The following RGS7 variants were observed in gnomAD, a reference collection of about 807,000 sequenced individuals.
RGS7 encodes the protein regulator of G protein signaling 7, also known as regulator of G-protein signaling 7.
A neutral mutation model predicts 81.1 loss-of-function variants in RGS7; 27 were observed. The ratio of observed to expected loss-of-function variants is 0.33; its 90% CI spans 0.25 to 0.46. RGS7 has a LOEUF of 0.46. RGS7 is among the 20% of genes least tolerant of loss of function. The pLI, the probability that RGS7 is intolerant of heterozygous loss-of-function variation, is 1.00. For synonymous variants in RGS7, 208 were observed against 207.7 expected, an observed-to-expected ratio of 1.00 and a Z score of -0.01; for missense variants, 396 against 607.4, an observed-to-expected ratio of 0.65 and a Z score of 3.66.
intron 9 of RGS7, among the ~76,000 whole-genome samples, chr1:240,830,902 A>C (rs1350682571): frequency 1.3e-5 from 2 of 152,230 alleles, no homozygotes; most frequent in African/African-American, 4.8e-5. Flanking sequence ...GAAGGAAATT[A>C]GAAGTTTCAT....
chr1:241,136,605 G>A (rs76913473), intron 2 of RGS7, among the ~76,000 whole-genome samples: 1 of 152,154 alleles, frequency 6.6e-6, no homozygotes, highest in African/African-American at 2.4e-5. Flanking sequence ...ACGAAAGGCC[G>A]GGTGATGGCA....
At chr1:240,974,144 T>C (rs1272150708) in intron 4 of RGS7, among the ~76,000 whole-genome samples, 1 of 152,228 alleles carries the variant, frequency 6.6e-6, no homozygotes, top group African/African-American at 2.4e-5. Context: ...AGTTGTTTGA[T>C]GGTGTGTAAG....
intron 18 of RGS7, among the ~76,000 whole-genome samples, chr1:240,797,122 C>A (rs1168966862): frequency 6.6e-6 from 1 of 152,146 alleles, no homozygotes; most frequent in Non-Finnish European, 1.5e-5. Flanking sequence ...ACCTCCACAA[C>A]CAATTAGTCT....
intron 3 of RGS7, among the ~76,000 whole-genome samples, chr1:241,006,701 A>T (rs952210052): frequency 6.6e-6 from 1 of 152,210 alleles, no homozygotes; most frequent in African/African-American, 2.4e-5. Flanking sequence ...ACAGAATTAG[A>T]ATCAAAGTAC....
chr1:240,807,750 C>T (rs977406328), intron 14 of RGS7, among the ~76,000 whole-genome samples: 2 of 151,918 alleles, frequency 1.3e-5, no homozygotes, highest in African/African-American at 4.8e-5. Flanking sequence ...GAATACTATG[C>T]GAGGCTGGGC....
intron 13 of RGS7, among the ~76,000 whole-genome samples, chr1:240,812,715 G>A (rs1344541742): frequency 6.6e-6 from 1 of 152,078 alleles, no homozygotes; most frequent in African/African-American, 2.4e-5. Flanking sequence ...GATTACAGGT[G>A]TGCGCCACCA....
At chr1:240,852,379 T>C (rs1660270625) in intron 9 of RGS7, among the ~76,000 whole-genome samples, 1 of 152,252 alleles carries the variant, frequency 6.6e-6, no homozygotes, top group African/African-American at 2.4e-5. Flanking sequence ...TAGACTACAG[T>C]ATAGTGTAAA....
At chr1:241,115,861 T>G (rs896009812) in intron 2 of RGS7, among the ~76,000 whole-genome samples, 1 of 152,190 alleles carries the variant, frequency 6.6e-6, no homozygotes, top group East Asian at 1.9e-4. Context: ...TCAAATCTCA[T>G]GTCGAACTGG....
Position 240,859,440 on chromosome 1 carries a change from G to GTTTT in RGS7, c.609+9143_609+9146dup, listed in dbSNP as rs5782167. On this transcript the variant is annotated intron_variant, in intron 9 of 18. Coordinates refer to ENST00000440928, the MANE Select transcript of RGS7 (RefSeq NM_001364886.1). ...TTGTGTTTTTCTTTCTTTCTTTCCT[G>GTTTT]TTTTTTTTTTTTTTTTTTCTTTTGG... Among the ~76,000 whole-genome samples, 70 of 110,826 alleles carry GTTTT rather than the reference G, an allele frequency of 6.3e-4. 1 individual carries two copies. The highest frequency in any genetic ancestry group is 2.2e-3 in the African/African-American group (65 of 29,482). The allele number at this position is 110,826 out of a possible 152,430, so 72.7% of individuals were successfully genotyped here.
At position 240,876,184 on chromosome 1, in the gene RGS7, A is replaced by G. The variant is rs1436719534; in HGVS notation, c.386-6065T>C. On this transcript the variant is annotated intron_variant, in intron 6 of 18. Coordinates refer to ENST00000440928, the MANE Select transcript of RGS7 (RefSeq NM_001364886.1). ...CCTGCCTCTTGCCCTTCAGAATCCC[A>G]TGGCCTACAAGTCTGTGGCCTATTG... Among the ~76,000 whole-genome samples the G allele has an allele frequency of 3.3e-5, 5 of 152,084 alleles. No individual in the cohort carries two copies. In the East Asian group the frequency reaches 7.7e-4, roughly 24 times the overall value.
chr1:241,231,863 T>C (rs545233155), intron 2 of RGS7, among the ~76,000 whole-genome samples: 3 of 152,326 alleles, frequency 2.0e-5, no homozygotes, highest in African/African-American at 7.2e-5. Flanking sequence ...CTTTTATAGA[T>C]TGTGGTTTTG....
intron 3 of RGS7, among the ~76,000 whole-genome samples, chr1:241,041,044 A>G (rs1414583363): frequency 6.6e-6 from 1 of 152,214 alleles, no homozygotes; most frequent in East Asian, 1.9e-4. Context: ...GCTAAGGTTC[A>G]TGAATTCAAA....
chr1:241,001,132 A>G (rs1481335784), intron 3 of RGS7, among the ~76,000 whole-genome samples: 3 of 152,050 alleles, frequency 2.0e-5, no homozygotes, highest in African/African-American at 4.8e-5. Flanking sequence ...GTGTGTGTTC[A>G]TGTGTGTGTG....
intron 2 of RGS7, among the ~76,000 whole-genome samples, chr1:241,331,613 T>C (rs2081984209): frequency 6.6e-6 from 1 of 152,228 alleles, no homozygotes; most frequent in Non-Finnish European, 1.5e-5. Context: ...ATTGTGTTTG[T>C]TACTCTAGTT....
chr1:240,839,403 T>A (rs1695245585), intron 9 of RGS7, among the ~76,000 whole-genome samples: 1 of 152,102 alleles, frequency 6.6e-6, no homozygotes, highest in Admixed American at 6.6e-5. Context: ...CTTGGCTGAG[T>A]TTTGGATAGA....
chr1:241,285,172 G>C lies in RGS7; in HGVS notation c.78+70527C>G, dbSNP rs146549096. Among the ~76,000 whole-genome samples, 102 of 152,232 alleles carry C rather than the reference G, an allele frequency of 6.7e-4. 2 individuals are homozygous for C. The highest frequency in any genetic ancestry group is 2.1e-3 in the African/African-American group (88 of 41,556). On this transcript the variant is annotated intron_variant, in intron 2 of 18. Coordinates refer to ENST00000440928, the MANE Select transcript of RGS7 (RefSeq NM_001364886.1). ...GGTGTGAGCCACCGCGCCCGGCCAA[G>C]TATCTGTCTTTCTATGCTGCCCTTT... is the stretch of plus-strand genomic sequence containing the variant.
At chr1:241,118,845 C>T (rs2066047956) in intron 2 of RGS7, among the ~76,000 whole-genome samples, 1 of 151,976 alleles carries the variant, frequency 6.6e-6, no homozygotes, top group South Asian at 2.1e-4. Context: ...ACAATGGGTA[C>T]ACATAGACAT....
chr1:241,116,163 A>AT (rs568759533), intron 2 of RGS7, among the ~76,000 whole-genome samples: 1 of 152,162 alleles, frequency 6.6e-6, no homozygotes, highest in Non-Finnish European at 1.5e-5. Flanking sequence ...TTATAGCAGT[A>AT]TGAGAATGGA....
intron 3 of RGS7, among the ~76,000 whole-genome samples, chr1:241,018,785 T>G (rs1021526131): frequency 6.6e-6 from 1 of 152,142 alleles, no homozygotes; most frequent in Non-Finnish European, 1.5e-5. Context: ...TTTCCCTACT[T>G]CCATTCATCG....
Sources: gnomAD v4.1 joint callset for allele counts (sites outside exome capture counted in the v4.1 genomes callset) on GRCh38, gnomAD v4.1.1 for gene constraint, MANE v1.5 for transcripts, NCBI Gene and HGNC (gene_info 2026-07-23, HGNC 2026-07-21) for gene names.